The following NCOA4 variants were observed in gnomAD, a reference collection of about 807,000 sequenced individuals.
NCOA4 encodes nuclear receptor coactivator 4.
NCOA4 carries 31 observed loss-of-function variants against 69.5 expected under a neutral mutation model. That is an observed-to-expected ratio of 0.45 (90% CI 0.34 to 0.60). The LOEUF (loss-of-function observed/expected upper bound fraction) is 0.60. Among genes scored for constraint, NCOA4 ranks in the 20% least tolerant of loss-of-function variants. The probability of loss-of-function intolerance (pLI) is 0.02; values close to 1 mark genes in which losing one functional copy is unlikely to be tolerated. For missense variants in NCOA4, 600 were observed against 719.2 expected (o/e 0.83, Z 1.90); for synonymous variants, 228 against 252.4 (o/e 0.90, Z 0.92).
chr10:46,012,070 GAAAA>G (rs71026286), intron 7 of NCOA4, among the ~76,000 whole-genome samples: 2 of 44,520 alleles, frequency 4.5e-5, no homozygotes, highest in African/African-American at 7.7e-5. Context: ...CAAAAAGAAA[GAAAA>G]AAAAAAAAAA....
chr10:46,019,489 A>G, intron 1 of NCOA4: 1 of 985,430 alleles, frequency 1.0e-6, no homozygotes, highest in Non-Finnish European at 1.2e-6. Context: ...GCTTCTCACC[A>G]TTTGTGTGGA....
intron 1 of NCOA4, among the ~76,000 whole-genome samples, chr10:46,019,743 G>A (rs912892453): frequency 4.6e-5 from 7 of 152,196 alleles, no homozygotes; most frequent in Non-Finnish European, 7.3e-5. Context: ...GCTATAGACA[G>A]AATGTAGGAT....
intron 1 of NCOA4, among the ~76,000 whole-genome samples, chr10:46,017,292 AT>A (rs1267062994): frequency 6.6e-6 from 1 of 152,152 alleles, no homozygotes; most frequent in Non-Finnish European, 1.5e-5. Flanking sequence ...CACACCTGTA[AT>A]TCTAGTACTT....
intron 2 of NCOA4, among the ~76,000 whole-genome samples, chr10:46,016,030 A>G (rs1554923114): frequency 6.6e-6 from 1 of 152,222 alleles, no homozygotes; most frequent in African/African-American, 2.4e-5. Context: ...TTTCAAAGTC[A>G]TGTAATACTT....
chr10:46,014,751 C>G, intron 4 of NCOA4, 103 bp downstream of exon 4: 1 of 950,686 alleles, frequency 1.1e-6, no homozygotes, highest in Non-Finnish European at 1.6e-6. Flanking sequence ...CCTAGCAACA[C>G]AGAAGTTAAA....
Position 46,005,628 on chromosome 10 carries a change from T to G in NCOA4, c.*964A>C, listed in dbSNP as rs1416833682. The G allele has an allele frequency of 2.7e-5, 6 of 219,738 alleles. No individual in the cohort carries two copies. The highest frequency in any genetic ancestry group is 4.6e-5 in the Non-Finnish European group (5 of 109,212). 13.6% of individuals were successfully genotyped at this position (219,738 alleles called of 1,614,324 possible). A position where few individuals can be genotyped will look rare whatever the true frequency, so the allele number is the denominator to read the frequency against. ...AGGCACAAGTGTTGAAAACGGCCTG[T>G]TCACTAAAACGTCACTTTTGGAGGT... On this transcript the variant is annotated 3_prime_UTR_variant, in exon 10 of 10. Coordinates refer to ENST00000581486, the MANE Select transcript of NCOA4 (RefSeq NM_001145263.2).
chr10:46,020,254 A>T (rs1377176870), intron 1 of NCOA4, among the ~76,000 whole-genome samples: 1 of 152,232 alleles, frequency 6.6e-6, no homozygotes, highest in African/African-American at 2.4e-5. Flanking sequence ...CTGGAGTCTG[A>T]CAAACCTGAG....
At chr10:46,012,805 A>G (rs1839312826) in intron 7 of NCOA4, 78 bp downstream of exon 7, 1 of 1,410,292 alleles carries the variant, frequency 7.1e-7, no homozygotes. Context: ...GTTAACAATG[A>G]CACATAGTAC....
rs75960276 is a variant in NCOA4 at position 46,009,168 on chromosome 10, A to C, written c.1839+243T>G. 3.0e-4 allele frequency: 463 copies of C among 1,551,310 alleles called. 1 individual carries two copies. The African/African-American group carries it at 5.8e-3, about 20-fold the overall frequency. ...ACTACTAGAATCCACATGGGATCTG[A>C]AAATTCCCAACGGTTACATCTTGAA... On this transcript the variant is annotated intron_variant, in intron 9 of 9. Coordinates refer to ENST00000581486, the MANE Select transcript of NCOA4 (RefSeq NM_001145263.2).
At position 46,014,489 on chromosome 10, in the gene NCOA4, A is replaced by G. The variant is rs199573129; in HGVS notation, c.435T>C (p.Ile145=). The G allele has an allele frequency of 6.2e-7, 1 of 1,614,016 alleles. No homozygotes were observed. Among genetic ancestry groups the G allele is most frequent in the Admixed American group, 1.7e-5 (1 of 60,020 alleles). ...STVLLFEADT[I]TLRQTITTFG... ...ATGTGGTGATGGTCTGGCGCAGAGT[A>G]ATTGTGTCAGCTTCAAAGAGCAGGA... Residue 145 remains isoleucine, a synonymous_variant, in exon 5 of 10, where the codon ATT becomes ATC. Transcript: ENST00000581486.
At chr10:46,029,076 C>G (rs1554926055) in intron 1 of NCOA4, among the ~76,000 whole-genome samples, 1 of 150,798 alleles carries the variant, frequency 6.6e-6, no homozygotes, top group African/African-American at 2.4e-5. Context: ...CTATGTAGTT[C>G]TAAAATATCT....
At chr10:46,009,855 A>G (rs1369607085) in intron 8 of NCOA4, among the ~76,000 whole-genome samples, 1 of 152,168 alleles carries the variant, frequency 6.6e-6, no homozygotes, top group Admixed American at 6.5e-5. Flanking sequence ...CCGGTTTGCA[A>G]GGTTTGGGAT....
intron 9 of NCOA4, among the ~76,000 whole-genome samples, chr10:46,007,999 C>T (rs1838955315): frequency 1.3e-5 from 2 of 152,176 alleles, no homozygotes; most frequent in African/African-American, 4.8e-5. Flanking sequence ...GATGACAGCG[C>T]ACCTGTTCAC....
Position 46,014,530 on chromosome 10 carries a change from G to A in NCOA4, c.394C>T (p.Pro132Ser), listed in dbSNP as rs1297045667. ...AAGAGCAGGACAGTTGAATCTTCAGGCTTAAGGGTCAAACTGCCCAGTCTG... is the reference window on the plus strand; with the variant it reads ...AAGAGCAGGACAGTTGAATCTTCAGACTTAAGGGTCAAACTGCCCAGTCTG... ...LERLGSLTLK[P>S]EDSTVLLFEA... is the part of the protein sequence containing the mutation. Residue 132 changes from proline (P) to serine (S), a missense_variant, in exon 5 of 10, where the codon CCT becomes TCT. Physicochemically the swap from Pro to Ser is moderately conservative, Grantham distance 74. Coordinates refer to ENST00000581486, the MANE Select transcript of NCOA4 (RefSeq NM_001145263.2). 1.4e-5 allele frequency: 22 copies of A among 1,613,108 alleles called. No individual in the cohort carries two copies. Among genetic ancestry groups the A allele is most frequent in the Middle Eastern group, 1.6e-4 (1 of 6,084 alleles).
intron 9 of NCOA4, chr10:46,009,201 T>C: frequency 1.3e-6 from 2 of 1,550,680 alleles, no homozygotes; most frequent in Non-Finnish European, 1.7e-6. Context: ...GAAAGTTCAT[T>C]TTGAAGTATG....
intron 1 of NCOA4, chr10:46,023,599 G>T: frequency 1.1e-6 from 1 of 893,856 alleles, no homozygotes; most frequent in Non-Finnish European, 1.3e-6. Flanking sequence ...GGGCCTCCCT[G>T]CTAGACGCCT....
chr10:46,020,376 G>A (rs1839802004), intron 1 of NCOA4, among the ~76,000 whole-genome samples: 1 of 152,176 alleles, frequency 6.6e-6, no homozygotes, highest in Non-Finnish European at 1.5e-5. Flanking sequence ...AGGGGCTGCA[G>A]TAAGGTTAAA....
intron 1 of NCOA4, chr10:46,019,302 T>C (rs1413918185): frequency 1.0e-6 from 1 of 984,732 alleles, no homozygotes; most frequent in Non-Finnish European, 1.2e-6. Flanking sequence ...TGGAACTCAC[T>C]GCAGGGACTA....
Position 46,009,431 on chromosome 10 carries a change from A to G in NCOA4, c.1819T>C (p.Leu607=). 1 of 1,612,794 alleles carries G rather than the reference A, an allele frequency of 6.2e-7. No individual in the cohort carries two copies. The highest frequency in any genetic ancestry group is 1.3e-5 in the African/African-American group (1 of 74,986). ...MQLKVDKEKW[L]YRTPLQM Reference sequence around the variant, plus strand: ...CCCACCTGTAGAGGAGTTCGATATAACCACTTCTCTTTATCAACTTTAAGC... The same window carrying G: ...CCCACCTGTAGAGGAGTTCGATATAGCCACTTCTCTTTATCAACTTTAAGC... Residue 607 remains leucine, a synonymous_variant, in exon 9 of 10, where the codon TTA becomes CTA. Transcript: ENST00000581486.
Sources: allele counts gnomAD v4.1 joint callset (sites outside exome capture counted in the v4.1 genomes callset), GRCh38; gene constraint gnomAD v4.1.1; transcripts MANE v1.5; gene names NCBI Gene and HGNC (gene_info 2026-07-23, HGNC 2026-07-21).